PSD3: variants seen among roughly 807,000 people sequenced by gnomAD.
PSD3 encodes PH and SEC7 domain-containing protein 3.
A neutral mutation model predicts 105.5 loss-of-function variants in PSD3; 49 were observed. That is an observed-to-expected ratio of 0.46 (90% CI 0.37 to 0.59). PSD3 has a LOEUF of 0.59. Ranked by LOEUF, PSD3 falls within the 20% of genes least tolerant of loss-of-function variation. PSD3 has a pLI of 0.00. For synonymous variants in PSD3, 557 were observed against 457.8 expected, an observed-to-expected ratio of 1.22 and a Z score of -2.77; for missense variants, 1,561 against 1,263.8, an observed-to-expected ratio of 1.24 and a Z score of -3.57.
At position 18,556,298 on chromosome 8, in the gene PSD3, C is replaced by T. The variant is rs1563318380; in HGVS notation, c.2839G>A (p.Ala947Thr). 1 of 1,614,016 alleles carries T rather than the reference C, an allele frequency of 6.2e-7. No individual in the cohort carries two copies. The highest frequency in any genetic ancestry group is 2.2e-5 in the East Asian group (1 of 44,870). The change falls in exon 15 of 16, where the codon GCC becomes ACC. Residue 947 changes from alanine to threonine, a missense_variant. Transcript: ENST00000327040. Reference protein sequence around the residue: ...SKLKQITTELAEHRSYPPDKK... With the variant: ...SKLKQITTELTEHRSYPPDKK... ...TCGGGGGGATATGAGCGGTGCTCGG[C>T]CAGCTCGGTGGTGATCTGCTTCAGC...
At chr8:18,735,759 G>A (rs1804102325) in intron 9 of PSD3, among the ~76,000 whole-genome samples, 1 of 152,062 alleles carries the variant, frequency 6.6e-6, no homozygotes, top group Non-Finnish European at 1.5e-5. Flanking sequence ...GGAAAACAAA[G>A]GATTATTGGA....
intron 8 of PSD3, among the ~76,000 whole-genome samples, chr8:18,786,170 C>T (rs1475878150): frequency 6.6e-6 from 1 of 152,148 alleles, no homozygotes; most frequent in East Asian, 1.9e-4. Context: ...CGCCACTGCA[C>T]TCCAGCCTGG....
intron 9 of PSD3, among the ~76,000 whole-genome samples, chr8:18,740,731 CCT>C (rs1222015182): frequency 6.6e-6 from 1 of 152,054 alleles, no homozygotes; most frequent in African/African-American, 2.4e-5. Flanking sequence ...ACATGGAAAT[CCT>C]CTCTCTCACT....
chr8:18,853,675 T>A (rs954433631), intron 4 of PSD3, among the ~76,000 whole-genome samples: 4 of 152,222 alleles, frequency 2.6e-5, no homozygotes, highest in Non-Finnish European at 5.9e-5. Flanking sequence ...AGAGCAGTGA[T>A]ATACCAAAAT....
chr8:18,982,393 AT>A (rs1289363101), intron 1 of PSD3, among the ~76,000 whole-genome samples: 1 of 152,194 alleles, frequency 6.6e-6, no homozygotes, highest in East Asian at 1.9e-4. Flanking sequence ...TCATGTTAGT[AT>A]TTTGATGTCC....
At chr8:18,864,340 A>T (rs1032958735) in intron 4 of PSD3, among the ~76,000 whole-genome samples, 1 of 152,212 alleles carries the variant, frequency 6.6e-6, no homozygotes. Context: ...AAATTAGAAC[A>T]CTAATAGTTC....
At chr8:18,632,978 T>C (rs1440536173) in intron 10 of PSD3, among the ~76,000 whole-genome samples, 172 bp from the exon 11 acceptor site, 25 of 152,086 alleles carry the variant, frequency 1.6e-4, no homozygotes, top group Non-Finnish European at 1.5e-5. Context: ...TGCCAGGTGT[T>C]AATGATCATG....
At chr8:18,737,080 G>A (rs2129433214) in intron 9 of PSD3, among the ~76,000 whole-genome samples, 1 of 152,242 alleles carries the variant, frequency 6.6e-6, no homozygotes, top group Admixed American at 6.5e-5. Flanking sequence ...AATCACCTGG[G>A]GAGCATCTGA....
At position 18,872,232 on chromosome 8, in the gene PSD3, A is replaced by C; in HGVS notation, c.632T>G (p.Leu211Trp). The change falls in exon 3 of 16, where the codon TTG becomes TGG. Residue 211 changes from leucine (L) to tryptophan (W), a missense_variant. Coordinates refer to ENST00000327040, the MANE Select transcript of PSD3 (RefSeq NM_015310.4). ...AEVTTEESFY[L>W]SIQKDLTALL... ...CGCGGTGAGATCTTTCTGGATGCTC[A>C]AATAAAAACTTTCCTCCGTTGTTAC... The C allele has an allele frequency of 6.2e-7, 1 of 1,614,214 alleles. No individual in the cohort carries two copies. Among genetic ancestry groups the C allele is most frequent in the Non-Finnish European group, 8.5e-7 (1 of 1,180,040 alleles).
chr8:18,579,096 C>CCACACACACACACACACACACACA (rs3988324), intron 12 of PSD3, among the ~76,000 whole-genome samples: 1 of 143,556 alleles, frequency 7.0e-6, no homozygotes, highest in Admixed American at 6.9e-5. Flanking sequence ...AGCTCCAAGT[C>CCACACACACACACACACACACACA]CACACACACA....
rs573882017 is a variant in PSD3, at chr8:18,705,522, C to T, written c.2173-49837G>A. Among the ~76,000 whole-genome samples, 31 of 107,740 alleles carry T rather than the reference C, an allele frequency of 2.9e-4. No homozygotes were observed. The East Asian group carries it at 7.2e-3, about 25-fold the overall frequency. The allele number at this position is 107,740 out of a possible 152,430, so 70.7% of individuals were successfully genotyped here. A position where few individuals can be genotyped will look rare whatever the true frequency, so the allele number is the denominator to read the frequency against. On this transcript the variant is annotated intron_variant, in intron 9 of 15. Coordinates refer to ENST00000327040, the MANE Select transcript of PSD3 (RefSeq NM_015310.4). Reference sequence around the variant, plus strand: ...CTTCAGCCTAGGTGACAGAGCCAGACCCTGTCTCAAGCAAAAAAAAAAAAA... The same window carrying T: ...CTTCAGCCTAGGTGACAGAGCCAGATCCTGTCTCAAGCAAAAAAAAAAAAA...
intron 8 of PSD3, among the ~76,000 whole-genome samples, chr8:18,785,475 C>G (rs1327157310): frequency 1.3e-5 from 2 of 152,136 alleles, no homozygotes; most frequent in East Asian, 3.9e-4. Flanking sequence ...GGGCCTTGCT[C>G]TGGATTAGGT....
intron 9 of PSD3, among the ~76,000 whole-genome samples, chr8:18,722,764 C>T (rs1228089127): frequency 6.6e-6 from 1 of 152,142 alleles, no homozygotes; most frequent in East Asian, 1.9e-4. Flanking sequence ...ACCAGCGCCC[C>T]CTTCCATCTG....
intron 8 of PSD3, among the ~76,000 whole-genome samples, chr8:18,777,112 G>C (rs1808176034): frequency 6.6e-6 from 1 of 152,024 alleles, no homozygotes; most frequent in South Asian, 2.1e-4. Context: ...GAACGATCTT[G>C]GCTCACTGAA....
intron 9 of PSD3, among the ~76,000 whole-genome samples, chr8:18,673,071 T>C (rs1393319883): frequency 6.6e-6 from 1 of 152,184 alleles, no homozygotes; most frequent in Admixed American, 6.5e-5. Context: ...TCACCTCTGA[T>C]TCTTGCTGCT....
Position 18,529,759 on chromosome 8 carries a change from G to T in PSD3, c.*5984C>A, listed in dbSNP as rs1799556407. 6.6e-6 allele frequency: 1 copy of T among 152,492 alleles called. No individual in the cohort carries two copies. Among genetic ancestry groups the T allele is most frequent in the Non-Finnish European group, 1.5e-5 (1 of 68,008 alleles). 9.4% of individuals were successfully genotyped at this position (152,492 alleles called of 1,614,324 possible). The stretch of plus-strand genomic sequence containing the variant: ...GTTTAAAGTCCAAACATTTCAAATG[G>T]TTAAGGCCCAAAAATGAAACGTTTT... On this transcript the variant is annotated 3_prime_UTR_variant, in exon 16 of 16. Coordinates refer to ENST00000327040, the MANE Select transcript of PSD3 (RefSeq NM_015310.4).
chr8:18,677,198 G>A (rs7834242), intron 9 of PSD3, among the ~76,000 whole-genome samples: 29,192 of 152,098 alleles, frequency 0.19, 5,134 homozygotes, highest in African/African-American at 0.46. Context: ...GAGGAAGGAG[G>A]GAAATTAAGA....
chr8:18,697,938 G>C (rs530011882), intron 9 of PSD3, among the ~76,000 whole-genome samples: 5 of 152,218 alleles, frequency 3.3e-5, no homozygotes, highest in African/African-American at 7.2e-5. Context: ...ATGAATAATG[G>C]TCCCCCCAAA....
intron 11 of PSD3, among the ~76,000 whole-genome samples, chr8:18,629,596 A>T (rs1806747654): frequency 6.6e-6 from 1 of 151,998 alleles, no homozygotes; most frequent in Non-Finnish European, 1.5e-5. Context: ...AAGTGAATGA[A>T]GCCAAACACA....
Sources: gnomAD v4.1 joint callset for allele counts (sites outside exome capture counted in the v4.1 genomes callset) on GRCh38, gnomAD v4.1.1 for gene constraint, MANE v1.5 for transcripts, NCBI Gene and HGNC (gene_info 2026-07-23, HGNC 2026-07-21) for gene names.